Variants in C17orf107 observed in about 807,000 individuals in gnomAD.
C17orf107 encodes the protein uncharacterized protein C17orf107.
C17orf107 carries 9 observed loss-of-function variants against 8.9 expected under a neutral mutation model. The ratio of observed to expected loss-of-function variants is 1.02; its 90% confidence interval spans 0.61 to 1.77. The LOEUF (loss-of-function observed/expected upper bound fraction) is 1.77. C17orf107 is among the 40% of genes most tolerant of loss of function. The pLI is 0.00. For synonymous variants in C17orf107, 139 were observed against 120.3 expected (o/e 1.16, Z -1.02); for missense variants, 281 against 249.0 (o/e 1.13, Z -0.86).
downstream of C17orf107, chr17:4,903,020 A>C (rs1178794233): frequency 6.2e-7 from 1 of 1,613,806 alleles, no homozygotes; most frequent in Non-Finnish European, 8.5e-7. Context: ...GTCCGTACCG[A>C]GAAGCCCCAA....
At chr17:4,905,754 G>A (rs149543201), downstream of C17orf107, among the ~76,000 whole-genome samples, 324 of 151,620 alleles carry the variant, frequency 2.1e-3, 1 homozygote, top group East Asian at 3.9e-3. Flanking sequence ...CCAGCTACTC[G>A]GGAGGCTGAG....
At chr17:4,903,733 A>G (rs531272544), downstream of C17orf107, among the ~76,000 whole-genome samples, 140 of 152,218 alleles carry the variant, frequency 9.2e-4, no homozygotes, top group African/African-American at 3.3e-3. Context: ...CTCCTTGTCT[A>G]TCCCTGCTGC....
In C17orf107 at chr17:4,899,678, G is replaced by A. The variant is rs1276091731; in HGVS notation, c.-85G>A. On this transcript the variant is annotated 5_prime_UTR_variant, in exon 1 of 3. Transcript: ENST00000381365. The stretch of plus-strand genomic sequence containing the variant: ...ACAAACACGGCTTCTCCTGGTACGG[G>A]CTGGTTACGCCCTCCAGCTGCGCCC... 24 of 1,443,210 alleles carry A rather than the reference G, an allele frequency of 1.7e-5. No individual in the cohort carries two copies. Among genetic ancestry groups the A allele is most frequent in the Non-Finnish European group, 2.3e-5 (24 of 1,049,430 alleles). 89.4% of individuals were successfully genotyped at this position (1,443,210 alleles called of 1,614,324 possible). A position where few individuals can be genotyped will look rare whatever the true frequency, so the allele number is the denominator to read the frequency against.
At position 4,902,145 on chromosome 17, in the gene C17orf107, C is replaced by A. The variant is rs1970012898; in HGVS notation, c.*1612C>A. 1.9e-6 allele frequency: 3 copies of A among 1,613,328 alleles called. No homozygotes were observed. Among genetic ancestry groups the A allele is most frequent in the African/African-American group, 1.3e-5 (1 of 74,794 alleles). On this transcript the variant is annotated 3_prime_UTR_variant, in exon 3 of 3. Coordinates refer to ENST00000381365, the MANE Select transcript of C17orf107 (RefSeq NM_001145536.2). The surrounding 1 kb of genome is among the most constrained non-coding windows in gnomAD (Gnocchi z 4.0). ...AGGTCTGCACCCTCTCAGAGTACCC[C>A]CTTCCCCAACCAAGTCCAGCCCGCA...
Position 4,900,245 on chromosome 17 carries a change from C to T in C17orf107, c.285C>T (p.Ala95=), listed in dbSNP as rs780869938. 3 of 1,547,238 alleles carry T rather than the reference C, an allele frequency of 1.9e-6. No homozygotes were observed. The highest frequency in any genetic ancestry group is 4.9e-5 in the East Asian group (2 of 40,924). Residue 95 remains alanine (A), a synonymous_variant, in exon 3 of 3, where the codon GCC becomes GCT. Coordinates refer to ENST00000381365, the MANE Select transcript of C17orf107 (RefSeq NM_001145536.2). ...SFGTTLLEIS[A]LWLQQEARRL... ...CTGTGCCCCCAATGCAGATCTCAGC[C>T]CTGTGGCTGCAGCAGGAGGCGCGGC...
Position 4,901,670 on chromosome 17 carries a change from G to C in C17orf107, c.*1137G>C. 1 of 1,571,352 alleles carries C rather than the reference G, an allele frequency of 6.4e-7. No homozygotes were observed. Among genetic ancestry groups the C allele is most frequent in the Non-Finnish European group, 8.7e-7 (1 of 1,143,432 alleles). On this transcript the variant is annotated 3_prime_UTR_variant, in exon 3 of 3. Transcript: ENST00000381365. ...AGCCCACCCCAGAAGCTCTGACCTG[G>C]GCCCCGGCCTCAGGCCCAGCCCTGG...
At chr17:4,903,087 A>G (rs1970040371), downstream of C17orf107, 1 of 1,613,640 alleles carries the variant, frequency 6.2e-7, no homozygotes, top group Admixed American at 1.7e-5. Context: ...TCTCAGGGTT[A>G]TTCTGAGCTC....
chr17:4,900,498 G>T lies in C17orf107; in HGVS notation c.538G>T (p.Gly180Ter). The T allele has an allele frequency of 1.9e-6, 3 of 1,550,992 alleles. No homozygotes were observed. Among genetic ancestry groups the T allele is most frequent in the Non-Finnish European group, 2.6e-6 (3 of 1,147,000 alleles). Reference sequence around the variant, plus strand: ...ACAGCAGCTAGGCCTCGGAATCCCCGGAGAACCGGTGAGCTCAGGACACGG... The same window carrying T: ...ACAGCAGCTAGGCCTCGGAATCCCCTGAGAACCGGTGAGCTCAGGACACGG... ...SQQQLGLGIP[G>*]EPVSSGHGVS The change falls in exon 3 of 3, where the codon GGA (glycine) becomes TGA (stop). Residue 180 changes from glycine to a stop codon, truncating the protein, a stop_gained. Coordinates refer to ENST00000381365, the MANE Select transcript of C17orf107 (RefSeq NM_001145536.2). LOFTEE classifies it low-confidence loss of function (END_TRUNC).
In C17orf107 at chr17:4,902,398, G is replaced by A. The variant is rs368157217; in HGVS notation, c.*1865G>A. On this transcript the variant is annotated 3_prime_UTR_variant, in exon 3 of 3. Coordinates refer to ENST00000381365, the MANE Select transcript of C17orf107 (RefSeq NM_001145536.2). The surrounding 1 kb of genome is among the most constrained non-coding windows in gnomAD (Gnocchi z 4.0). Reference sequence around the variant, plus strand: ...GGCGCTGCCTGGGAGGGGTTTGGGGGAAAAGGGGTGCCCTGGACAAGACCT... The same window carrying A: ...GGCGCTGCCTGGGAGGGGTTTGGGGAAAAAGGGGTGCCCTGGACAAGACCT... 7.2e-4 allele frequency: 1,156 copies of A among 1,613,798 alleles called. No homozygotes were observed. The highest frequency in any genetic ancestry group is 9.2e-4 in the Non-Finnish European group (1,089 of 1,179,794).
chr17:4,901,763 T>C lies in C17orf107; in HGVS notation c.*1230T>C, dbSNP rs1463743587. The C allele has an allele frequency of 3.3e-6, 4 of 1,221,116 alleles. No homozygotes were observed. The African/African-American group carries it at 6.0e-5, about 18-fold the overall frequency. The allele number at this position is 1,221,116 out of a possible 1,614,324, so 75.6% of individuals were successfully genotyped here. ...CACCCAAGCCCAGCCCGCACGCCTC[T>C]GTTCCCATCTGTACCTCCGGCCGCG... On this transcript the variant is annotated 3_prime_UTR_variant, in exon 3 of 3. Transcript: ENST00000381365.
At chr17:4,906,077 G>A (rs945587495), downstream of C17orf107, among the ~76,000 whole-genome samples, 7 of 152,048 alleles carry the variant, frequency 4.6e-5, no homozygotes, top group African/African-American at 9.7e-5. Flanking sequence ...CTGCTTTCTC[G>A]TCACCTGTGC....
In C17orf107 at chr17:4,900,098, A is replaced by G; in HGVS notation, c.229A>G (p.Arg77Gly). The G allele has an allele frequency of 6.4e-7, 1 of 1,550,738 alleles. No individual in the cohort carries two copies. Among genetic ancestry groups the G allele is most frequent in the Non-Finnish European group, 8.7e-7 (1 of 1,146,942 alleles). Residue 77 changes from arginine to glycine, a missense_variant, in exon 2 of 3, where the codon AGA (arginine) becomes GGA (glycine). Coordinates refer to ENST00000381365, the MANE Select transcript of C17orf107 (RefSeq NM_001145536.2). Reference sequence around the variant, plus strand: ...GAAGCCCACCCTGGGGCTGGTGTTGAGAGAAGCCACAGCCAGCCTCGTGAG... The same window carrying G: ...GAAGCCCACCCTGGGGCTGGTGTTGGGAGAAGCCACAGCCAGCCTCGTGAG... ...APKPTLGLVL[R>G]EATASLVSFG...
chr17:4,905,010 C>T (rs956470913), downstream of C17orf107, among the ~76,000 whole-genome samples: 2 of 152,160 alleles, frequency 1.3e-5, no homozygotes, highest in Non-Finnish European at 1.5e-5. Flanking sequence ...CCAGAGCTTC[C>T]GCGTCAAGGC....
At position 4,900,130 on chromosome 17, in the gene C17orf107, C is replaced by T. The variant is rs956028664; in HGVS notation, c.261C>T (p.Gly87=). Residue 87 remains glycine (G), a synonymous_variant, in exon 2 of 3, where the codon GGC becomes GGT. Transcript: ENST00000381365. ...REATASLVSF[G]TTLLEISALW... ...CCACAGCCAGCCTCGTGAGCTTCGGCACCACCTTGTTAGAGGTGGGGTACT... is the reference window on the plus strand; with the variant it reads ...CCACAGCCAGCCTCGTGAGCTTCGGTACCACCTTGTTAGAGGTGGGGTACT... The T allele has an allele frequency of 2.6e-6, 4 of 1,550,266 alleles. No individual in the cohort carries two copies. In the South Asian group the frequency reaches 4.8e-5, roughly 18 times the overall value.
In C17orf107 at chr17:4,901,743, A is replaced by T; in HGVS notation, c.*1210A>T. On this transcript the variant is annotated 3_prime_UTR_variant, in exon 3 of 3. Coordinates refer to ENST00000381365, the MANE Select transcript of C17orf107 (RefSeq NM_001145536.2). ...CGATCCCAAGCCCACCCCTTCACCC[A>T]AGCCCAGCCCGCACGCCTCTGTTCC... The T allele has an allele frequency of 7.9e-7, 1 of 1,261,634 alleles. No homozygotes were observed. The highest frequency in any genetic ancestry group is 1.1e-6 in the Non-Finnish European group (1 of 880,574). 78.2% of individuals were successfully genotyped at this position (1,261,634 alleles called of 1,614,324 possible).
At position 4,902,846 on chromosome 17, in the gene C17orf107, A is replaced by G; in HGVS notation, c.*2313A>G. The G allele has an allele frequency of 1.9e-6, 3 of 1,600,040 alleles. No individual in the cohort carries two copies. Among genetic ancestry groups the G allele is most frequent in the Non-Finnish European group, 2.6e-6 (3 of 1,168,012 alleles). ...TCCCCTCTGCCTCCCCTGGGTCCTC[A>G]CAGGCCTCTGAGGCTGTGTACTATC... On this transcript the variant is annotated 3_prime_UTR_variant, in exon 3 of 3. Coordinates refer to ENST00000381365, the MANE Select transcript of C17orf107 (RefSeq NM_001145536.2). This position sits in a 1 kb window ranked among gnomAD's most constrained non-coding sequence, Gnocchi z 4.0.
Position 4,899,641 on chromosome 17 carries a change from C to A in C17orf107, c.-122C>A. ...CTCCTCCCAGCTACCGAAGGCGCCG[C>A]GCGCTGACCTCACAAACACGGCTTC... On this transcript the variant is annotated 5_prime_UTR_variant, in exon 1 of 3. Coordinates refer to ENST00000381365, the MANE Select transcript of C17orf107 (RefSeq NM_001145536.2). 6.8e-7 allele frequency: 1 copy of A among 1,465,904 alleles called. No individual in the cohort carries two copies. Among genetic ancestry groups the A allele is most frequent in the Non-Finnish European group, 9.4e-7 (1 of 1,069,156 alleles). The allele number at this position is 1,465,904 out of a possible 1,614,324, so 90.8% of individuals were successfully genotyped here.
In C17orf107 at chr17:4,902,311, G is replaced by C. The variant is rs121909513; in HGVS notation, c.*1778G>C. The C allele has an allele frequency of 6.2e-6, 10 of 1,614,158 alleles. No homozygotes were observed. The Admixed American group carries it at 1.5e-4, about 24-fold the overall frequency. On this transcript the variant is annotated 3_prime_UTR_variant, in exon 3 of 3. Transcript: ENST00000381365. This position sits in a 1 kb window ranked among gnomAD's most constrained non-coding sequence, Gnocchi z 4.0. ...AAGTCGTCCTTGCTGTAGTTGAGTC[G>C]GTAATCCTGCCAATCCTAAGGGGTG...
At position 4,900,587 on chromosome 17, in the gene C17orf107, AGCTACTCG is replaced by A; in HGVS notation, c.*56_*63del. Reference sequence around the variant, plus strand: ...ACTGAGCCGGACTGTCCCCCAAGAGAGCTACTCGGGAGACCTCCAGGTGACGTCCAGCA... The same window carrying A: ...ACTGAGCCGGACTGTCCCCCAAGAGAGGAGACCTCCAGGTGACGTCCAGCA... On this transcript the variant is annotated 3_prime_UTR_variant, in exon 3 of 3. Transcript: ENST00000381365. 6.5e-7 allele frequency: 1 copy of A among 1,545,862 alleles called. No homozygotes were observed. The highest frequency in any genetic ancestry group is 8.7e-7 in the Non-Finnish European group (1 of 1,143,934).
Sources: gnomAD v4.1 joint callset for allele counts (sites outside exome capture counted in the v4.1 genomes callset) on GRCh38, gnomAD v4.1.1 for gene constraint, Gnocchi (gnomAD v3.1) non-coding constraint, MANE v1.5 for transcripts, NCBI Gene and HGNC (gene_info 2026-07-23, HGNC 2026-07-21) for gene names.